PLA2R1: variants seen among roughly 807,000 people sequenced by gnomAD.
PLA2R1 encodes the protein phospholipase A2 receptor 1, also known as secretory phospholipase A2 receptor.
PLA2R1 carries 158 observed loss-of-function variants against 195.9 expected under a neutral mutation model. The ratio of observed to expected loss-of-function variants is 0.81; its 90% confidence interval spans 0.71 to 0.92. PLA2R1 has a LOEUF of 0.92. Among genes scored for constraint, PLA2R1 ranks in the 40% least tolerant of loss-of-function variants. The pLI is 0.00. For synonymous variants in PLA2R1, 586 were observed against 598.2 expected (o/e 0.98, Z 0.30); for missense variants, 1,626 against 1,764.6 (o/e 0.92, Z 1.41).
intron 17 of PLA2R1, among the ~76,000 whole-genome samples, chr2:159,975,671 A>G (rs1305577072): frequency 6.6e-6 from 1 of 151,998 alleles, no homozygotes; most frequent in Non-Finnish European, 1.5e-5. Flanking sequence ...ACTCGAATTG[A>G]TTATGGTCTT....
chr2:160,013,176 AAC>A, intron 10 of PLA2R1, 85 bp downstream of exon 10: 2 of 589,450 alleles, frequency 3.4e-6, no homozygotes, highest in Admixed American at 3.0e-5. Flanking sequence ...TTAGATTTTG[AAC>A]AGTTATGATT....
At chr2:160,061,724 G>A (rs1231201677) in intron 1 of PLA2R1, among the ~76,000 whole-genome samples, 4 of 152,098 alleles carry the variant, frequency 2.6e-5, no homozygotes, top group African/African-American at 7.2e-5. Context: ...GCAGTGAGCC[G>A]AGATCCCGCC....
At chr2:160,025,869 G>A (rs1432183471) in intron 6 of PLA2R1, among the ~76,000 whole-genome samples, 3 of 152,144 alleles carry the variant, frequency 2.0e-5, no homozygotes, top group Non-Finnish European at 4.4e-5. Context: ...AGGAGTCAAC[G>A]AGAGAAAATG....
chr2:159,988,381 A>G (rs1690512644), intron 11 of PLA2R1, among the ~76,000 whole-genome samples: 1 of 152,254 alleles, frequency 6.6e-6, no homozygotes, highest in Admixed American at 6.5e-5. Context: ...GGATGAAGCA[A>G]AGCAAACCAA....
In PLA2R1 at chr2:160,022,829, T is replaced by G. The variant is rs751449418; in HGVS notation, c.1130A>C (p.His377Pro). The G allele has an allele frequency of 6.2e-7, 1 of 1,604,590 alleles. No homozygotes were observed. The highest frequency in any genetic ancestry group is 1.7e-5 in the Admixed American group (1 of 57,172). ...EKDAWKYYAT[H>P]CEPGWNPYNR... ...GTAGGGATTCCAGCCAGGCTCACAG[T>G]GGGTAGCATAATATTTCCACGCATC... The change falls in exon 7 of 30, where the codon CAC (histidine) becomes CCC (proline). Residue 377 changes from histidine (H) to proline (P), a missense_variant. By Grantham distance (77) the His-to-Pro change is moderately conservative (BLOSUM62 -2). Coordinates refer to ENST00000283243, the MANE Select transcript of PLA2R1 (RefSeq NM_007366.5).
At position 159,941,046 on chromosome 2, in the gene PLA2R1, C is replaced by T. The variant is rs1344892889; in HGVS notation, c.*732G>A. ...TATGTATAAGACATTTTAAAATATC[C>T]AACTTAATCATCATTTAGTAATTGA... On this transcript the variant is annotated 3_prime_UTR_variant, in exon 30 of 30. Coordinates refer to ENST00000283243, the MANE Select transcript of PLA2R1 (RefSeq NM_007366.5). 2.0e-5 allele frequency: 3 copies of T among 152,062 alleles called. No homozygotes were observed. The highest frequency in any genetic ancestry group is 7.2e-5 in the African/African-American group (3 of 41,394). The allele number at this position is 152,062 out of a possible 1,614,324, so 9.4% of individuals were successfully genotyped here. A position where few individuals can be genotyped will look rare whatever the true frequency, so the allele number is the denominator to read the frequency against.
chr2:160,056,865 T>C (rs970068837), intron 1 of PLA2R1, among the ~76,000 whole-genome samples: 1 of 152,172 alleles, frequency 6.6e-6, no homozygotes, highest in Non-Finnish European at 1.5e-5. Context: ...GCCAGACTTT[T>C]TCCAGAAGCA....
chr2:160,036,727 C>T (rs1187604926), intron 3 of PLA2R1, among the ~76,000 whole-genome samples: 2 of 152,194 alleles, frequency 1.3e-5, no homozygotes, highest in African/African-American at 4.8e-5. Flanking sequence ...GTGCTCAGTA[C>T]TTTTCAACTC....
intron 6 of PLA2R1, among the ~76,000 whole-genome samples, chr2:160,023,378 C>T (rs1338279347): frequency 3.3e-5 from 5 of 152,118 alleles, no homozygotes; most frequent in African/African-American, 7.2e-5. Flanking sequence ...CTCTGGTCAT[C>T]CTCGCTGCTC....
intron 1 of PLA2R1, among the ~76,000 whole-genome samples, chr2:160,059,306 G>A (rs1184099369): frequency 1.3e-5 from 2 of 152,162 alleles, no homozygotes; most frequent in African/African-American, 4.8e-5. Context: ...CTGAGCTAGA[G>A]GTAGGAGGAG....
intron 3 of PLA2R1, among the ~76,000 whole-genome samples, chr2:160,038,312 G>A (rs1254287042): frequency 1.3e-5 from 2 of 152,224 alleles, no homozygotes; most frequent in Non-Finnish European, 2.9e-5. Flanking sequence ...TCACCTAGAA[G>A]TTTGTTAAAA....
At chr2:160,039,018 C>T (rs1483821212) in intron 3 of PLA2R1, among the ~76,000 whole-genome samples, 1 of 151,994 alleles carries the variant, frequency 6.6e-6, no homozygotes, top group East Asian at 1.9e-4. Flanking sequence ...AGGTGCCTAC[C>T]ACCACACCCA....
intron 8 of PLA2R1, among the ~76,000 whole-genome samples, chr2:160,018,613 C>A (rs1488954387): frequency 2.0e-5 from 3 of 148,600 alleles, no homozygotes; most frequent in Non-Finnish European, 4.5e-5. Context: ...GCCTGGGTGA[C>A]AGAGTGAGAC....
chr2:159,951,594 C>A lies in PLA2R1; in HGVS notation c.3302-16G>T. On this transcript the variant is annotated splice_polypyrimidine_tract_variant and intron_variant, in intron 23 of 29. Coordinates refer to ENST00000283243, the MANE Select transcript of PLA2R1 (RefSeq NM_007366.5). Reference sequence around the variant, plus strand: ...CCAGAAGTATCTAGAACAAGAACAGCAACAAAAGTCATTTGCAGCATCTGG... The same window carrying A: ...CCAGAAGTATCTAGAACAAGAACAGAAACAAAAGTCATTTGCAGCATCTGG... 7.9e-7 allele frequency: 1 copy of A among 1,270,504 alleles called. No individual in the cohort carries two copies. Among genetic ancestry groups the A allele is most frequent in the Non-Finnish European group, 1.2e-6 (1 of 865,196 alleles). 78.7% of individuals were successfully genotyped at this position (1,270,504 alleles called of 1,614,324 possible). A position where few individuals can be genotyped will look rare whatever the true frequency, so the allele number is the denominator to read the frequency against.
chr2:159,967,660 TCTTCA>T lies in PLA2R1; in HGVS notation c.2778_2782del (p.Ser926ArgfsTer8). The T allele has an allele frequency of 6.2e-7, 1 of 1,613,774 alleles. No individual in the cohort carries two copies. On this transcript the variant is annotated frameshift_variant, in exon 20 of 30. Transcript: ENST00000283243. LOFTEE classifies it high-confidence loss of function. Reference sequence around the variant, plus strand: ...GATACTAGGCATAGAAACTGAACACTCTTCACTACCCCAGAGTCCTGGAGGAGAAA... The same window carrying T: ...GATACTAGGCATAGAAACTGAACACTCTACCCCAGAGTCCTGGAGGAGAAA...
intron 6 of PLA2R1, among the ~76,000 whole-genome samples, chr2:160,023,346 C>T (rs1693266319): frequency 6.6e-6 from 1 of 152,142 alleles, no homozygotes; most frequent in Non-Finnish European, 1.5e-5. Flanking sequence ...CCCATCAAAA[C>T]CAAGACGGTG....
intron 20 of PLA2R1, among the ~76,000 whole-genome samples, chr2:159,963,405 TA>T (rs1424594471): frequency 6.6e-6 from 1 of 152,126 alleles, no homozygotes; most frequent in Admixed American, 6.6e-5. Flanking sequence ...TCATCAAAAT[TA>T]AAAACTTTTG....
Position 160,042,746 on chromosome 2 carries a change from G to A in PLA2R1, c.494-548C>T, listed in dbSNP as rs1016409232. On this transcript the variant is annotated intron_variant, in intron 2 of 29. Transcript: ENST00000283243. ...AACATACAGTATCATTGCAGGTAGC[G>A]GTGCCATGATGAAAAATAAATAGGA... Among the ~76,000 whole-genome samples the A allele has an allele frequency of 3.3e-5, 5 of 151,754 alleles. No individual in the cohort carries two copies. In the South Asian group the frequency reaches 6.3e-4, roughly 19 times the overall value.
At chr2:159,968,280 T>G (rs1257671077) in intron 19 of PLA2R1, among the ~76,000 whole-genome samples, 2 of 152,004 alleles carry the variant, frequency 1.3e-5, no homozygotes, top group African/African-American at 4.8e-5. Context: ...GAATAAGGAT[T>G]ATAGAATGCA....
Sources: gnomAD v4.1 joint callset for allele counts (sites outside exome capture counted in the v4.1 genomes callset) on GRCh38, gnomAD v4.1.1 for gene constraint, MANE v1.5 for transcripts, NCBI Gene and HGNC (gene_info 2026-07-23, HGNC 2026-07-21) for gene names.